The following STRN4 variants were observed in gnomAD, a reference collection of about 807,000 sequenced individuals.
The protein encoded by STRN4 is striatin 4, also known as striatin-4.
Under a neutral mutation model 77.9 loss-of-function variants are expected in STRN4, and 27 were observed. That is an observed-to-expected ratio of 0.35 (90% CI 0.26 to 0.48). The LOEUF (loss-of-function observed/expected upper bound fraction) is 0.48. STRN4 is among the 20% of genes least tolerant of loss of function. The pLI, the probability that STRN4 is intolerant of heterozygous loss-of-function variation, is 0.99. For missense variants in STRN4, 798 were observed against 1,049.7 expected, an observed-to-expected ratio of 0.76 and a Z score of 3.31; for synonymous variants, 466 against 443.1, an observed-to-expected ratio of 1.05 and a Z score of -0.65.
intron 12 of STRN4, 82 bp downstream of exon 12, chr19:46,724,725 G>A (rs1478761310): frequency 2.0e-5 from 32 of 1,591,242 alleles, no homozygotes; most frequent in Non-Finnish European, 2.7e-5. Flanking sequence ...GTTGGCAAGA[G>A]GTGGACGCGA....
chr19:46,724,422 C>T (rs573821797), intron 12 of STRN4, among the ~76,000 whole-genome samples: 6 of 152,306 alleles, frequency 3.9e-5, no homozygotes, highest in Admixed American at 1.3e-4. Context: ...TGGACATGCC[C>T]TCCCCTCAAC....
rs532817700 is a variant in STRN4, at chr19:46,738,602, T to C, written c.386+183A>G. On this transcript the variant is annotated intron_variant, in intron 2 of 17. Coordinates refer to ENST00000263280, the MANE Select transcript of STRN4 (RefSeq NM_013403.3). The surrounding 1 kb of genome is among the most constrained non-coding windows in gnomAD (Gnocchi z 4.5). ...CTAGCATCGTGAATATCGTTCCTGG[T>C]GTCTAACCCAAATCCCACCTACTCT... 6.6e-6 allele frequency among the ~76,000 whole-genome samples: 1 copy of C among 152,322 alleles called. No individual in the cohort carries two copies. Among genetic ancestry groups the C allele is most frequent in the Non-Finnish European group, 1.5e-5 (1 of 68,036 alleles).
chr19:46,723,247 C>T lies in STRN4; in HGVS notation c.1632G>A (p.Gly544=), dbSNP rs749688463. ...SVLSHVLEGH[G]DAVWGLAFSP... ...TGAAGGCCAGGCCCCACACGGCGTC[C>T]CCGTGGCCCTCCAGGACGTGGCTCA... Residue 544 remains glycine (G), a synonymous_variant, in exon 13 of 18, where the codon GGG becomes GGA. Transcript: ENST00000263280. This position sits in a 1 kb window ranked among gnomAD's most constrained non-coding sequence, Gnocchi z 5.5. 6.4e-7 allele frequency: 1 copy of T among 1,550,776 alleles called. No homozygotes were observed. Among genetic ancestry groups the T allele is most frequent in the Non-Finnish European group, 8.7e-7 (1 of 1,148,196 alleles).
chr19:46,735,474 A>G (rs998080580), intron 4 of STRN4, among the ~76,000 whole-genome samples: 2 of 151,958 alleles, frequency 1.3e-5, no homozygotes, highest in Non-Finnish European at 2.9e-5. Context: ...AGCCTGGGAG[A>G]CAGAGTGAGT....
chr19:46,720,432 G>C (rs2053949674), intron 17 of STRN4, 94 bp from the exon 18 acceptor site: 6 of 822,698 alleles, frequency 7.3e-6, no homozygotes, highest in Non-Finnish European at 8.4e-6. Flanking sequence ...GGCTCCCCCA[G>C]TGATTCTCAC....
At chr19:46,742,043 G>T (rs2054484385) in intron 1 of STRN4, among the ~76,000 whole-genome samples, 1 of 152,128 alleles carries the variant, frequency 6.6e-6, no homozygotes, top group Admixed American at 6.5e-5. Context: ...TCCTCAAAAA[G>T]CTTCCCCTCT....
rs2054038441 is a variant in STRN4, at chr19:46,723,796, GGCCT to G, written c.1595-516_1595-513del. 6.6e-6 allele frequency among the ~76,000 whole-genome samples: 1 copy of G among 152,194 alleles called. No homozygotes were observed. The highest frequency in any genetic ancestry group is 2.4e-5 in the African/African-American group (1 of 41,440). ...TGCTGGAGTCCACACCAGCAGCTCT[GGCCT>G]GCTGACACCGAAAGTGTGGTGGCTA... On this transcript the variant is annotated intron_variant, in intron 12 of 17. Coordinates refer to ENST00000263280, the MANE Select transcript of STRN4 (RefSeq NM_013403.3). The surrounding 1 kb of genome is among the most constrained non-coding windows in gnomAD (Gnocchi z 5.5).
Position 46,724,508 on chromosome 19 carries a change from G to A in STRN4, c.1594+299C>T, listed in dbSNP as rs117043847. 0.015 allele frequency among the ~76,000 whole-genome samples: 2,263 copies of A among 152,256 alleles called. 42 individuals carry two copies. Among genetic ancestry groups the A allele is most frequent in the East Asian group, 0.054 (278 of 5,160 alleles). Reference sequence around the variant, plus strand: ...AGCAGAGGCTGCCAGGGCCAGCCACGCCTGTGCATGGGCTGCTCCCAGCCT... The same window carrying A: ...AGCAGAGGCTGCCAGGGCCAGCCACACCTGTGCATGGGCTGCTCCCAGCCT... On this transcript the variant is annotated intron_variant, in intron 12 of 17. Transcript: ENST00000263280.
rs2054290513 is a variant in STRN4, at chr19:46,733,166, C to A, written c.610G>T (p.Gly204Cys). ...GCCCCGTTGAGCTCCAGCGAGCGGC[C>A]CAGCAGGGAACGGACGCGCTTGGAC... is the stretch of plus-strand genomic sequence containing the variant. ...MRSKRVRSLL[G>C]RSLELNGAVE... Residue 204 changes from glycine to cysteine, a missense_variant, in exon 5 of 18, where the codon GGC becomes TGC. Coordinates refer to ENST00000263280, the MANE Select transcript of STRN4 (RefSeq NM_013403.3). This position sits in a 1 kb window ranked among gnomAD's most constrained non-coding sequence, Gnocchi z 4.3. 1.2e-6 allele frequency: 2 copies of A among 1,611,724 alleles called. No individual in the cohort carries two copies. Among genetic ancestry groups the A allele is most frequent in the Admixed American group, 1.7e-5 (1 of 59,996 alleles).
intron 1 of STRN4, 159 bp downstream of exon 1, chr19:46,745,990 G>C (rs1599907521): frequency 1.1e-6 from 1 of 894,162 alleles, no homozygotes; most frequent in Non-Finnish European, 1.5e-6. Context: ...CCCCTCGGAC[G>C]GCCCCTCACT....
chr19:46,733,309 C>A lies in STRN4; in HGVS notation c.540-73G>T, dbSNP rs958726181. On this transcript the variant is annotated intron_variant, in intron 4 of 17. Coordinates refer to ENST00000263280, the MANE Select transcript of STRN4 (RefSeq NM_013403.3). The surrounding 1 kb of genome is among the most constrained non-coding windows in gnomAD (Gnocchi z 4.3). ...CATGTACCACAGGGGCCAATGCAAA[C>A]CGAGACAACCTCTTAAGGGGCCACT... is the stretch of plus-strand genomic sequence containing the variant. 2.7e-6 allele frequency: 4 copies of A among 1,468,192 alleles called. No individual in the cohort carries two copies. The African/African-American group carries it at 5.6e-5, about 20-fold the overall frequency. The allele number at this position is 1,468,192 out of a possible 1,614,324, so 90.9% of individuals were successfully genotyped here.
At chr19:46,721,535 C>T (rs936781938) in intron 16 of STRN4, 1 of 194,948 alleles carries the variant, frequency 5.1e-6, no homozygotes, top group Non-Finnish European at 1.1e-5. Flanking sequence ...CCCACAGCGA[C>T]CTCCAGTCTC....
intron 4 of STRN4, among the ~76,000 whole-genome samples, chr19:46,735,270 C>T (rs969964114): frequency 6.6e-6 from 1 of 152,066 alleles, no homozygotes. Context: ...TATGCCACTG[C>T]ACTCCACTCT....
chr19:46,722,684 G>T, intron 14 of STRN4, 126 bp downstream of exon 14: 1 of 1,426,416 alleles, frequency 7.0e-7, no homozygotes, highest in Non-Finnish European at 9.5e-7. Context: ...CTTCCTTCCT[G>T]CTCAGGGCCT....
chr19:46,743,229 CAT>C (rs1243997923), intron 1 of STRN4, among the ~76,000 whole-genome samples: 4 of 152,224 alleles, frequency 2.6e-5, no homozygotes, highest in Admixed American at 1.3e-4. Context: ...TTTTCACTTA[CAT>C]ATATATGTGT....
intron 16 of STRN4, 92 bp downstream of exon 16, chr19:46,721,894 C>T (rs2053986074): frequency 2.6e-5 from 38 of 1,481,836 alleles, no homozygotes; most frequent in Admixed American, 5.2e-5. Context: ...GCCCTGGCCC[C>T]CGGGGCCCCC....
rs2054464603 is a variant in STRN4 at position 46,741,045 on chromosome 19, C to A, written c.283-2157G>T. 6.6e-6 allele frequency among the ~76,000 whole-genome samples: 1 copy of A among 152,148 alleles called. No homozygotes were observed. Among genetic ancestry groups the A allele is most frequent in the Non-Finnish European group, 1.5e-5 (1 of 68,028 alleles). On this transcript the variant is annotated intron_variant, in intron 1 of 17. Transcript: ENST00000263280. This position sits in a 1 kb window ranked among gnomAD's most constrained non-coding sequence, Gnocchi z 4.9. ...TGAAGCCATGGAAGGGTTTTAAGTA[C>A]AGAGAGGTAACCGATTCGCATGTTA...
intron 4 of STRN4, 131 bp downstream of exon 4, chr19:46,736,692 G>C: frequency 9.9e-7 from 1 of 1,008,402 alleles, no homozygotes; most frequent in East Asian, 2.7e-5. Flanking sequence ...AGCCATTCCA[G>C]CCATGGCTGG....
chr19:46,745,266 C>T (rs939945224), intron 1 of STRN4, among the ~76,000 whole-genome samples: 1 of 152,130 alleles, frequency 6.6e-6, no homozygotes, highest in African/African-American at 2.4e-5. Flanking sequence ...CCCACTCCTG[C>T]ACACCCCCAA....
Sources: allele counts gnomAD v4.1 joint callset (sites outside exome capture counted in the v4.1 genomes callset), GRCh38; gene constraint gnomAD v4.1.1; non-coding constraint Gnocchi (gnomAD v3.1); transcripts MANE v1.5; gene names NCBI Gene and HGNC (gene_info 2026-07-23, HGNC 2026-07-21).